COL5A1: variants seen among roughly 807,000 people sequenced by gnomAD.
The protein encoded by COL5A1 is collagen alpha-1(V) chain.
COL5A1 carries 16 observed loss-of-function variants against 263.7 expected under a neutral mutation model. The ratio of observed to expected loss-of-function variants is 0.06; its 90% CI spans 0.04 to 0.09. COL5A1 has a LOEUF of 0.09. Among genes scored for constraint, COL5A1 ranks in the 10% least tolerant of loss-of-function variants. COL5A1 has a pLI of 1.00. For synonymous variants in COL5A1, 1,012 were observed against 1,004.5 expected, an observed-to-expected ratio of 1.01 and a Z score of -0.14; for missense variants, 2,036 against 2,540.5, an observed-to-expected ratio of 0.80 and a Z score of 4.27.
Position 134,814,878 on chromosome 9 carries a change from G to A in COL5A1, c.3988G>A (p.Gly1330Arg), listed in dbSNP as rs1060502254. 1 of 1,551,100 alleles carries A rather than the reference G, an allele frequency of 6.4e-7. No individual in the cohort carries two copies. The highest frequency in any genetic ancestry group is 8.7e-7 in the Non-Finnish European group (1 of 1,146,990). ...AGPPGPKGPP[G>R]DDGPKGSPGP... Reference sequence around the variant, plus strand: ...ACCCCCTGGACCCAAAGGCCCTCCCGGAGATGATGGTCCCAAAGGCAGCCC... The same window carrying A: ...ACCCCCTGGACCCAAAGGCCCTCCCAGAGATGATGGTCCCAAAGGCAGCCC... Residue 1330 changes from glycine to arginine, a missense_variant, in exon 50 of 66, where the codon GGA becomes AGA. By Grantham distance (125) the Gly-to-Arg change is moderately radical. Around this residue, in one of 3 missense-constraint regions of COL5A1, gnomAD observed 1,078 missense variants for 1,521.4 expected, o/e 0.71. Coordinates refer to ENST00000371817, the MANE Select transcript of COL5A1 (RefSeq NM_000093.5).
At chr9:134,722,282 G>A (rs932023964) in intron 4 of COL5A1, among the ~76,000 whole-genome samples, 2 of 152,232 alleles carry the variant, frequency 1.3e-5, no homozygotes, top group Admixed American at 6.5e-5. Flanking sequence ...CTGAGGGCCA[G>A]GTCAGCCTGG....
In COL5A1 at chr9:134,812,480, A is replaced by G; in HGVS notation, c.3722A>G (p.Glu1241Gly). Residue 1241 changes from glutamate to glycine, a missense_variant, in exon 47 of 66, where the codon GAG becomes GGG. Around this residue, in one of 3 missense-constraint regions of COL5A1, gnomAD observed 1,078 missense variants for 1,521.4 expected, o/e 0.71. Transcript: ENST00000371817. The stretch of plus-strand genomic sequence containing the variant: ...CCAGGACCTCCAGGCGAGAAGGGTG[A>G]GACAGGAGACGTGGGCCAGATGGTA... ...GLPGPPGEKG[E>G]TGDVGQMGPP... is the part of the protein sequence containing the mutation. 6.2e-7 allele frequency: 1 copy of G among 1,614,092 alleles called. No individual in the cohort carries two copies. Among genetic ancestry groups the G allele is most frequent in the Non-Finnish European group, 8.5e-7 (1 of 1,180,022 alleles).
rs1832818541 is a variant in COL5A1 at position 134,680,400 on chromosome 9, C to A, written c.110-10512C>A. ...GAGTCATTTTTACAAAGGTTGGTGG[C>A]ATGGAGGGGTGGGGACAGCAGGCCC... On this transcript the variant is annotated intron_variant, in intron 1 of 65. Transcript: ENST00000371817. The surrounding 1 kb of genome is among the most constrained non-coding windows in gnomAD (Gnocchi z 5.9). Among the ~76,000 whole-genome samples the A allele has an allele frequency of 6.6e-6, 1 of 152,126 alleles. No individual in the cohort carries two copies. The highest frequency in any genetic ancestry group is 1.5e-5 in the Non-Finnish European group (1 of 68,016).
chr9:134,711,918 T>G (rs943303988), intron 4 of COL5A1, among the ~76,000 whole-genome samples: 13 of 151,960 alleles, frequency 8.6e-5, no homozygotes, highest in African/African-American at 2.9e-4. Flanking sequence ...TCTCACACCC[T>G]GGACTCCTGG....
rs1481057988 is a variant in COL5A1 at position 134,789,999 on chromosome 9, G to T, written c.2700+791G>T. On this transcript the variant is annotated intron_variant, in intron 32 of 65. Transcript: ENST00000371817. The surrounding 1 kb of genome is among the most constrained non-coding windows in gnomAD (Gnocchi z 4.8). ...GGACAGCATCTGCAGAGCAGGCCTG[G>T]GGGACATGCTCCCCGAAAGATGGCA... 6.6e-6 allele frequency among the ~76,000 whole-genome samples: 1 copy of T among 152,154 alleles called. No individual in the cohort carries two copies. Among genetic ancestry groups the T allele is most frequent in the Non-Finnish European group, 1.5e-5 (1 of 68,026 alleles).
intron 1 of COL5A1, among the ~76,000 whole-genome samples, chr9:134,667,549 A>C (rs1832397695): frequency 6.6e-6 from 1 of 152,162 alleles, no homozygotes; most frequent in Non-Finnish European, 1.5e-5. Flanking sequence ...CACCATCTCC[A>C]TGCACTGCCC....
intron 18 of COL5A1, among the ~76,000 whole-genome samples, chr9:134,759,650 GCA>G (rs1564438410): frequency 2.3e-5 from 2 of 87,846 alleles, no homozygotes; most frequent in African/African-American, 5.5e-5. Flanking sequence ...ATACACACAT[GCA>G]CACATACGCA....
In COL5A1 at chr9:134,804,994, G is replaced by A; in HGVS notation, c.3134G>A (p.Gly1045Asp). 6.2e-7 allele frequency: 1 copy of A among 1,613,828 alleles called. No homozygotes were observed. The highest frequency in any genetic ancestry group is 8.5e-7 in the Non-Finnish European group (1 of 1,179,982). The change falls in exon 40 of 66, where the codon GGC becomes GAC. Residue 1045 changes from glycine to aspartate, a missense_variant. Physicochemically the swap from Gly to Asp is moderately conservative, Grantham distance 94 (BLOSUM62 -1). This residue lies in a region of COL5A1 where 1,078 missense variants were observed against 1,521.4 expected (regional missense o/e 0.71). Transcript: ENST00000371817. Reference sequence around the variant, plus strand: ...TTTCAGGGTGACCCAGGCCCTGCAGGCCTCCCTGGGAAAGATGGCCCTCCA... The same window carrying A: ...TTTCAGGGTGACCCAGGCCCTGCAGACCTCCCTGGGAAAGATGGCCCTCCA... ...EGTKGDPGPA[G>D]LPGKDGPPGL...
intron 64 of COL5A1, 128 bp from the exon 65 acceptor site, chr9:134,834,841 TAC>T (rs1839787539): frequency 1.4e-6 from 1 of 707,266 alleles, no homozygotes; most frequent in South Asian, 1.6e-5. Context: ...GGTCTGTGGG[TAC>T]AGTGCGTTTC....
At chr9:134,648,970 G>A (rs1166041115) in intron 1 of COL5A1, among the ~76,000 whole-genome samples, 1 of 152,072 alleles carries the variant, frequency 6.6e-6, no homozygotes, top group East Asian at 1.9e-4. Flanking sequence ...CCAGGAGGTG[G>A]ATGGACCTGT....
In COL5A1 at chr9:134,812,521, C is replaced by T. The variant is rs200498760; in HGVS notation, c.3744+19C>T. On this transcript the variant is annotated intron_variant, in intron 47 of 65. Coordinates refer to ENST00000371817, the MANE Select transcript of COL5A1 (RefSeq NM_000093.5). The stretch of plus-strand genomic sequence containing the variant: ...CCAGATGGTAAGTGTGCCTGAGACT[C>T]CAAGGCCTTGCCGTACTAGCGGCTC... 1.3e-4 allele frequency: 207 copies of T among 1,614,042 alleles called. 3 individuals are homozygous for T. The highest frequency in any genetic ancestry group is 1.2e-3 in the South Asian group (108 of 91,074).
chr9:134,825,538 T>A (rs1269569206), intron 62 of COL5A1, among the ~76,000 whole-genome samples: 1 of 152,098 alleles, frequency 6.6e-6, no homozygotes, highest in Non-Finnish European at 1.5e-5. Flanking sequence ...CCAACCCTCC[T>A]GGCCACCAGA....
In COL5A1 at chr9:134,765,524, C is replaced by T. The variant is rs149974292; in HGVS notation, c.2035-157C>T. Among the ~76,000 whole-genome samples the T allele has an allele frequency of 6.6e-6, 1 of 152,216 alleles. No individual in the cohort carries two copies. The highest frequency in any genetic ancestry group is 2.4e-5 in the African/African-American group (1 of 41,552). On this transcript the variant is annotated intron_variant, in intron 20 of 65. Coordinates refer to ENST00000371817, the MANE Select transcript of COL5A1 (RefSeq NM_000093.5). The surrounding 1 kb of genome is among the most constrained non-coding windows in gnomAD (Gnocchi z 5.1). ...GGGTGGAGGGAGGCAGCGCAGCAGG[C>T]TGGGAGGGAGTCTGGGCCTCACTCC...
rs117835495 is a variant in COL5A1, at chr9:134,659,748, G to A, written c.109+17452G>A. Among the ~76,000 whole-genome samples, 1,199 of 152,276 alleles carry A rather than the reference G, an allele frequency of 7.9e-3. 9 individuals are homozygous for A. Among genetic ancestry groups the A allele is most frequent in the South Asian group, 0.019 (93 of 4,824 alleles). ...AGCCTCTTCCAAAGCCCACAGAGCC[G>A]TGGGCTCCACAGGCGCCCCGAGTAC... On this transcript the variant is annotated intron_variant, in intron 1 of 65. Coordinates refer to ENST00000371817, the MANE Select transcript of COL5A1 (RefSeq NM_000093.5).
chr9:134,710,358 T>C, intron 4 of COL5A1, among the ~76,000 whole-genome samples: 1 of 152,228 alleles, frequency 6.6e-6, no homozygotes, highest in East Asian at 1.9e-4. Context: ...TAACCCTGTC[T>C]CATTGAAAGG....
chr9:134,654,738 G>T (rs951981866), intron 1 of COL5A1, among the ~76,000 whole-genome samples: 1 of 135,358 alleles, frequency 7.4e-6, no homozygotes. Context: ...TAGGGCTGGG[G>T]TGTGTGTAGG....
intron 11 of COL5A1, among the ~76,000 whole-genome samples, chr9:134,750,185 G>A (rs1025303197): frequency 6.6e-6 from 1 of 152,160 alleles, no homozygotes; most frequent in Admixed American, 6.5e-5. Flanking sequence ...AGACCTAAAA[G>A]GGGCGTTCCT....
chr9:134,810,449 T>G, intron 44 of COL5A1, 141 bp downstream of exon 44: 1 of 773,810 alleles, frequency 1.3e-6, no homozygotes, highest in Non-Finnish European at 2.2e-6. Flanking sequence ...CCCGTGCATG[T>G]GTGTTCCCAC....
rs1164401373 is a variant in COL5A1, at chr9:134,754,914, C to A, written c.1827+588C>A. Among the ~76,000 whole-genome samples, 3 of 152,140 alleles carry A rather than the reference C, an allele frequency of 2.0e-5. No homozygotes were observed. The highest frequency in any genetic ancestry group is 4.8e-5 in the African/African-American group (2 of 41,438). On this transcript the variant is annotated intron_variant, in intron 16 of 65. Coordinates refer to ENST00000371817, the MANE Select transcript of COL5A1 (RefSeq NM_000093.5). The surrounding 1 kb of genome is among the most constrained non-coding windows in gnomAD (Gnocchi z 4.3). ...AAAGTGGACCTTTTCAACCAGCAGACCTTTCTGGTGAACGAGAGAAATTTC... is the reference window on the plus strand; with the variant it reads ...AAAGTGGACCTTTTCAACCAGCAGAACTTTCTGGTGAACGAGAGAAATTTC...
Sources: gnomAD v4.1 joint callset for allele counts (sites outside exome capture counted in the v4.1 genomes callset) on GRCh38, gnomAD v4.1.1 for gene constraint, gnomAD v4.1.1 regional missense constraint, Gnocchi (gnomAD v3.1) non-coding constraint, MANE v1.5 for transcripts, NCBI Gene and HGNC (gene_info 2026-07-23, HGNC 2026-07-21) for gene names.